The following TENM3 variants were observed in gnomAD, a reference collection of about 807,000 sequenced individuals.
TENM3 encodes teneurin transmembrane protein 3, also known as teneurin-3.
Under a neutral mutation model 255.1 loss-of-function variants are expected in TENM3, and 63 were observed. The ratio of observed to expected loss-of-function variants is 0.25; its 90% CI spans 0.20 to 0.30. The LOEUF is 0.30. Among genes scored for constraint, TENM3 ranks in the 10% least tolerant of loss-of-function variants. The probability of loss-of-function intolerance (pLI) is 1.00; values close to 1 mark genes in which losing one functional copy is unlikely to be tolerated. For synonymous variants in TENM3, 1,306 were observed against 1,322.3 expected, an observed-to-expected ratio of 0.99 and a Z score of 0.27; for missense variants, 2,929 against 3,461.1, an observed-to-expected ratio of 0.85 and a Z score of 3.86.
At chr4:182,635,734 A>G (rs947945528) in intron 5 of TENM3, among the ~76,000 whole-genome samples, 1 of 152,224 alleles carries the variant, frequency 6.6e-6, no homozygotes, top group African/African-American at 2.4e-5. Flanking sequence ...TTAACAACAT[A>G]AGCATTCCCT....
chr4:182,054,018 C>A, the TENM3 span, among the ~76,000 whole-genome samples: 1 of 152,134 alleles, frequency 6.6e-6, no homozygotes, highest in Non-Finnish European at 1.5e-5. Context: ...TGATGTCGAT[C>A]GCCTGCTCAA....
At chr4:181,946,049 C>A in the TENM3 span, among the ~76,000 whole-genome samples, 1 of 152,092 alleles carries the variant, frequency 6.6e-6, no homozygotes, top group African/African-American at 2.4e-5. Context: ...ATGTTGCACA[C>A]TTTTGTTCTT....
At chr4:182,298,036 T>C (rs17073019) in intron 1 of TENM3, among the ~76,000 whole-genome samples, 36,661 of 152,158 alleles carry the variant, frequency 0.24, 5,212 homozygotes, top group African/African-American at 0.38. Context: ...GGGTGCATCT[T>C]ACGTTGAACG....
At chr4:182,522,091 T>G (rs867450963) in intron 3 of TENM3, among the ~76,000 whole-genome samples, 1 of 152,232 alleles carries the variant, frequency 6.6e-6, no homozygotes, top group African/African-American at 2.4e-5. Flanking sequence ...TAAGTACATG[T>G]GATATTTTGA....
At chr4:182,580,327 G>C (rs1180788645) in intron 3 of TENM3, among the ~76,000 whole-genome samples, 1 of 149,622 alleles carries the variant, frequency 6.7e-6, no homozygotes, top group Non-Finnish European at 1.5e-5. Context: ...TGCACTTAGA[G>C]GGGGGCACTC....
At chr4:181,752,385 A>G in the TENM3 span, among the ~76,000 whole-genome samples, 2 of 152,028 alleles carry the variant, frequency 1.3e-5, no homozygotes, top group Non-Finnish European at 2.9e-5. Flanking sequence ...CCCTATCTCT[A>G]CTAAAAATAC....
chr4:182,233,898 A>C (rs75639343), intron 1 of TENM3, among the ~76,000 whole-genome samples: 1,684 of 152,272 alleles, frequency 0.011, 18 homozygotes, highest in African/African-American at 0.038. Flanking sequence ...TGCTCCAACT[A>C]TCTGGGATGG....
At chr4:181,447,727 C>A in the TENM3 span, among the ~76,000 whole-genome samples, 1 of 152,136 alleles carries the variant, frequency 6.6e-6, no homozygotes, top group Non-Finnish European at 1.5e-5. Context: ...TGACAGCCAA[C>A]CTACCCTGGA....
the TENM3 span, among the ~76,000 whole-genome samples, chr4:181,950,691 T>C: frequency 6.6e-6 from 1 of 152,140 alleles, no homozygotes; most frequent in Non-Finnish European, 1.5e-5. Context: ...ACTAACAAAC[T>C]GTGAATCCAT....
chr4:182,709,461 A>C (rs1163747233), intron 12 of TENM3, among the ~76,000 whole-genome samples: 2 of 152,222 alleles, frequency 1.3e-5, no homozygotes, highest in Non-Finnish European at 2.9e-5. Flanking sequence ...TATGCATTTC[A>C]GCAATTGTTA....
intron 3 of TENM3, among the ~76,000 whole-genome samples, chr4:182,509,663 C>T (rs534245232): frequency 5.3e-5 from 8 of 152,150 alleles, no homozygotes; most frequent in South Asian, 2.1e-4. Flanking sequence ...ATGGGTCAGA[C>T]GCAGTGGCTC....
chr4:181,459,897 G>T, the TENM3 span, among the ~76,000 whole-genome samples: 6 of 151,770 alleles, frequency 4.0e-5, no homozygotes, highest in Non-Finnish European at 5.9e-5. Flanking sequence ...AAATCAATCT[G>T]GGAAAATTGA....
At chr4:181,648,390 G>A in the TENM3 span, among the ~76,000 whole-genome samples, 2 of 152,198 alleles carry the variant, frequency 1.3e-5, no homozygotes, top group Admixed American at 6.5e-5. Flanking sequence ...TATGAAGCAC[G>A]CTAGATGTCC....
chr4:182,487,957 T>A (rs1734919840), intron 3 of TENM3, among the ~76,000 whole-genome samples: 1 of 152,182 alleles, frequency 6.6e-6, no homozygotes, highest in African/African-American at 2.4e-5. Context: ...AAATAGGAAG[T>A]TATGTATGGC....
At chr4:182,393,813 A>C (rs562517293) in intron 3 of TENM3, among the ~76,000 whole-genome samples, 16 of 152,192 alleles carry the variant, frequency 1.1e-4, no homozygotes, top group Non-Finnish European at 2.4e-4. Flanking sequence ...TGTTCATCAT[A>C]ATAATGATAC....
intron 1 of TENM3, among the ~76,000 whole-genome samples, chr4:182,155,375 T>C (rs919247093): frequency 5.3e-5 from 8 of 152,118 alleles, no homozygotes; most frequent in Non-Finnish European, 7.4e-5. Flanking sequence ...ACAATCAGCT[T>C]CAAAAGATGG....
chr4:181,978,645 C>CAAAAA, the TENM3 span, among the ~76,000 whole-genome samples: 1 of 72,848 alleles, frequency 1.4e-5, no homozygotes, highest in Non-Finnish European at 2.8e-5. Flanking sequence ...GAGTCCATCT[C>CAAAAA]AAAAAAAAAA....
intron 3 of TENM3, among the ~76,000 whole-genome samples, chr4:182,425,869 G>A (rs1039907676): frequency 2.0e-5 from 3 of 151,846 alleles, no homozygotes; most frequent in Non-Finnish European, 2.9e-5. Context: ...CTAGCCAGAC[G>A]TCGTGGCACA....
the TENM3 span, among the ~76,000 whole-genome samples, chr4:181,826,141 T>C: frequency 6.6e-6 from 1 of 152,206 alleles, no homozygotes; most frequent in Admixed American, 6.5e-5. Flanking sequence ...CAGTTACATA[T>C]ATTTATTCCT....
Sources: gnomAD v4.1 joint callset for allele counts (sites outside exome capture counted in the v4.1 genomes callset) on GRCh38, gnomAD v4.1.1 for gene constraint, MANE v1.5 for transcripts, NCBI Gene and HGNC (gene_info 2026-07-23, HGNC 2026-07-21) for gene names.